The following MACROD2 variants were observed in gnomAD, a reference collection of about 807,000 sequenced individuals.
MACROD2 encodes the protein mono-ADP ribosylhydrolase 2.
A neutral mutation model predicts 70.4 loss-of-function variants in MACROD2; 36 were observed. The observed-to-expected ratio is 0.51, with a 90% confidence interval of 0.39 to 0.68. MACROD2 has a LOEUF of 0.68. MACROD2 is among the 30% of genes least tolerant of loss of function. MACROD2 has a pLI of 0.00. For missense variants in MACROD2, 496 were observed against 538.4 expected (o/e 0.92, Z 0.78); for synonymous variants, 172 against 178.8 (o/e 0.96, Z 0.30).
Position 14,322,175 on chromosome 20 carries a change from AATATATATATATAT to A in MACROD2, c.272-171291_272-171278del, listed in dbSNP as rs374464781. Among the ~76,000 whole-genome samples, 15 of 66,378 alleles carry A rather than the reference AATATATATATATAT, an allele frequency of 2.3e-4. 1 individual carries two copies. The East Asian group carries it at 2.4e-3, about 11-fold the overall frequency. The allele number at this position is 66,378 out of a possible 152,430, so 43.5% of individuals were successfully genotyped here. A position where few individuals can be genotyped will look rare whatever the true frequency, so the allele number is the denominator to read the frequency against. On this transcript the variant is annotated intron_variant, in intron 3 of 17. Coordinates refer to ENST00000684519, the MANE Select transcript of MACROD2 (RefSeq NM_001351661.2). The stretch of plus-strand genomic sequence containing the variant: ...GACTTGTATCTTGATATTCTATTGA[AATATATATATATAT>A]ATATATATATATTTTGTATTTTGCA...
chr20:14,685,652 A>T (rs547808174), intron 5 of MACROD2, among the ~76,000 whole-genome samples: 1 of 152,320 alleles, frequency 6.6e-6, no homozygotes, highest in Non-Finnish European at 1.5e-5. Context: ...TAGCTTTTTT[A>T]TCCTGTAATC....
chr20:15,526,665 T>C (rs925114408), intron 8 of MACROD2, among the ~76,000 whole-genome samples: 2 of 152,190 alleles, frequency 1.3e-5, no homozygotes, highest in African/African-American at 4.8e-5. Context: ...AGAAGTTGGA[T>C]CTACTAACTT....
At chr20:14,085,185 A>G (rs952097320) in intron 2 of MACROD2, among the ~76,000 whole-genome samples, 2 of 151,618 alleles carry the variant, frequency 1.3e-5, no homozygotes, top group Non-Finnish European at 2.9e-5. Flanking sequence ...AGGAAGTAGC[A>G]AAGAGCTGAA....
chr20:14,249,767 A>G (rs569960692), intron 3 of MACROD2, among the ~76,000 whole-genome samples: 2 of 152,246 alleles, frequency 1.3e-5, no homozygotes, highest in African/African-American at 2.4e-5. Context: ...GTATGGCAAA[A>G]TTTATACCCT....
intron 3 of MACROD2, among the ~76,000 whole-genome samples, chr20:14,373,749 G>A (rs144829094): frequency 6.6e-6 from 1 of 152,266 alleles, no homozygotes; most frequent in South Asian, 2.1e-4. Context: ...ATTATGCAGC[G>A]AGAGTACACC....
At chr20:15,473,346 A>T (rs1040654012) in intron 7 of MACROD2, among the ~76,000 whole-genome samples, 1 of 152,196 alleles carries the variant, frequency 6.6e-6, no homozygotes, top group African/African-American at 2.4e-5. Flanking sequence ...GTAGGCATTC[A>T]AAAATATTTG....
At chr20:14,697,681 T>C (rs1476088075) in intron 5 of MACROD2, among the ~76,000 whole-genome samples, 1 of 152,194 alleles carries the variant, frequency 6.6e-6, no homozygotes, top group Non-Finnish European at 1.5e-5. Context: ...AAATAAGGGA[T>C]CGATATTTTA....
intron 8 of MACROD2, among the ~76,000 whole-genome samples, chr20:15,849,367 C>A (rs1289443822): frequency 6.6e-6 from 1 of 152,204 alleles, no homozygotes; most frequent in Non-Finnish European, 1.5e-5. Context: ...TGTTAATGAG[C>A]TTCCTTTGAA....
At chr20:14,920,725 A>G (rs555052143) in intron 5 of MACROD2, among the ~76,000 whole-genome samples, 4 of 152,130 alleles carry the variant, frequency 2.6e-5, no homozygotes, top group African/African-American at 4.8e-5. Flanking sequence ...TATTGCTACC[A>G]TTTCTTCTAA....
chr20:15,044,117 G>GA, intron 5 of MACROD2, among the ~76,000 whole-genome samples: 1 of 152,280 alleles, frequency 6.6e-6, no homozygotes, highest in African/African-American at 2.4e-5. Context: ...ATGGAGGTTG[G>GA]AAGGTGGGGC....
chr20:15,232,587 A>G (rs952170939), intron 6 of MACROD2, among the ~76,000 whole-genome samples: 9 of 152,058 alleles, frequency 5.9e-5, no homozygotes, highest in African/African-American at 9.7e-5. Flanking sequence ...AATTGGAGGA[A>G]TGGAATTCTC....
At chr20:15,392,367 G>A (rs1395909595) in intron 6 of MACROD2, among the ~76,000 whole-genome samples, 1 of 152,034 alleles carries the variant, frequency 6.6e-6, no homozygotes, top group Non-Finnish European at 1.5e-5. Context: ...ATTAGCATGA[G>A]GAAAAGCCAA....
intron 5 of MACROD2, among the ~76,000 whole-genome samples, chr20:15,062,775 C>CT (rs2075543127): frequency 6.6e-6 from 1 of 152,180 alleles, no homozygotes; most frequent in African/African-American, 2.4e-5. Context: ...CTAGTGATGT[C>CT]TGTACGTGGC....
intron 3 of MACROD2, among the ~76,000 whole-genome samples, chr20:14,311,121 A>G (rs578258987): frequency 4.3e-4 from 65 of 152,208 alleles, no homozygotes; most frequent in Non-Finnish European, 7.6e-4. Context: ...AGTTATGTTT[A>G]GTAATGTTCT....
intron 8 of MACROD2, among the ~76,000 whole-genome samples, chr20:15,626,886 G>A (rs745607148): frequency 6.6e-6 from 1 of 151,596 alleles, no homozygotes; most frequent in South Asian, 2.1e-4. Flanking sequence ...GCAAATGACT[G>A]TAATATGTGG....
rs780562049 is a variant in MACROD2 at position 14,838,941 on chromosome 20, GA to G, written c.418+153985del. 1.6e-4 allele frequency among the ~76,000 whole-genome samples: 25 copies of G among 152,056 alleles called. 1 individual carries two copies. The highest frequency in any genetic ancestry group is 2.9e-4 in the Non-Finnish European group (20 of 67,982). ...AGAATCACATTTTTCACAGGGATTT[GA>G]AATGTCTTTGTGGTCATGGTCTGGC... is the stretch of plus-strand genomic sequence containing the variant. On this transcript the variant is annotated intron_variant, in intron 5 of 17. Transcript: ENST00000684519.
chr20:14,157,059 G>T (rs1022559929), intron 3 of MACROD2, among the ~76,000 whole-genome samples: 1 of 152,108 alleles, frequency 6.6e-6, no homozygotes, highest in East Asian at 1.9e-4. Context: ...GAAAGAAACT[G>T]GTATTTAGAT....
intron 5 of MACROD2, among the ~76,000 whole-genome samples, chr20:15,072,199 C>G (rs1037527014): frequency 2.0e-5 from 3 of 152,064 alleles, no homozygotes; most frequent in Non-Finnish European, 4.4e-5. Flanking sequence ...CTCAATTTAT[C>G]TACAATGATT....
chr20:15,515,783 G>T (rs1165736027), intron 8 of MACROD2, among the ~76,000 whole-genome samples: 1 of 152,184 alleles, frequency 6.6e-6, no homozygotes, highest in Non-Finnish European at 1.5e-5. Flanking sequence ...TGAGGAAAGG[G>T]ACTGAAAACC....
Sources: gnomAD v4.1 joint callset for allele counts (sites outside exome capture counted in the v4.1 genomes callset) on GRCh38, gnomAD v4.1.1 for gene constraint, MANE v1.5 for transcripts, NCBI Gene and HGNC (gene_info 2026-07-23, HGNC 2026-07-21) for gene names.